The following RGSL1 variants were observed in gnomAD, a reference collection of about 807,000 sequenced individuals.
RGSL1 encodes regulator of G protein signaling protein-like.
In RGSL1, 97 loss-of-function variants were observed where a neutral mutation model predicts 124.7. The observed-to-expected ratio is 0.78, with a 90% CI of 0.66 to 0.92. The LOEUF is 0.92. Among genes scored for constraint, RGSL1 ranks in the 40% least tolerant of loss-of-function variants. The pLI, the probability that RGSL1 is intolerant of heterozygous loss-of-function variation, is 0.00. For synonymous variants in RGSL1, 424 were observed against 438.1 expected (o/e 0.97, Z 0.40); for missense variants, 1,233 against 1,288.4 (o/e 0.96, Z 0.66).
At chr1:182,553,421 G>C in intron 18 of RGSL1, 34 bp from the exon 19 acceptor site, 2 of 1,500,248 alleles carry the variant, frequency 1.3e-6, no homozygotes, top group Non-Finnish European at 1.8e-6. Flanking sequence ...AGTTGTCGCA[G>C]GTGTTTTTAA....
chr1:182,457,280 A>G (rs1652422591), intron 2 of RGSL1, among the ~76,000 whole-genome samples: 1 of 152,166 alleles, frequency 6.6e-6, no homozygotes, highest in Admixed American at 6.5e-5. Flanking sequence ...TGTGCCCTCT[A>G]TGGTATAAAT....
At chr1:182,504,234 A>C (rs1353416834) in intron 9 of RGSL1, among the ~76,000 whole-genome samples, 1 of 152,016 alleles carries the variant, frequency 6.6e-6, no homozygotes, top group Non-Finnish European at 1.5e-5. Flanking sequence ...GCTCGCCTAC[A>C]GCCTCCCAAA....
intron 9 of RGSL1, among the ~76,000 whole-genome samples, chr1:182,505,979 C>T (rs1656779201): frequency 6.6e-6 from 1 of 151,912 alleles, no homozygotes; most frequent in Non-Finnish European, 1.5e-5. Flanking sequence ...TTTGATTTTC[C>T]TTTATTACCT....
At chr1:182,479,408 TTTAAG>T (rs1208066884) in intron 6 of RGSL1, among the ~76,000 whole-genome samples, 6 of 152,188 alleles carry the variant, frequency 3.9e-5, no homozygotes, top group African/African-American at 7.2e-5. Flanking sequence ...CTTAAAGCAA[TTTAAG>T]TTAAGTTGTT....
chr1:182,518,746 C>A (rs1487766333), intron 9 of RGSL1, among the ~76,000 whole-genome samples: 1 of 152,088 alleles, frequency 6.6e-6, no homozygotes, highest in Non-Finnish European at 1.5e-5. Flanking sequence ...ATGTGGAAAT[C>A]CAATTATCTT....
At chr1:182,509,334 C>G in intron 9 of RGSL1, among the ~76,000 whole-genome samples, 1 of 38,090 alleles carries the variant, frequency 2.6e-5, no homozygotes, top group East Asian at 4.1e-4. Flanking sequence ...CCACCTCCCT[C>G]CCGGACGGGG....
intron 9 of RGSL1, among the ~76,000 whole-genome samples, chr1:182,520,333 C>T (rs570763687): frequency 6.6e-5 from 10 of 152,286 alleles, no homozygotes; most frequent in Non-Finnish European, 1.3e-4. Context: ...GGCCTCTTCT[C>T]CTTTTGCCCC....
chr1:182,494,618 A>C (rs1299314512), intron 9 of RGSL1, among the ~76,000 whole-genome samples: 2 of 152,182 alleles, frequency 1.3e-5, no homozygotes, highest in African/African-American at 4.8e-5. Context: ...TTCCCTAAGT[A>C]AGTCTCTGAT....
intron 10 of RGSL1, among the ~76,000 whole-genome samples, 190 bp downstream of exon 10, chr1:182,522,299 A>C (rs188242731): frequency 4.6e-5 from 7 of 152,346 alleles, no homozygotes; most frequent in Admixed American, 3.9e-4. Flanking sequence ...TATGCTATAT[A>C]TGTATATATT....
Position 182,530,120 on chromosome 1 carries a change from G to A in RGSL1, c.2126-124G>A. 3 of 660,102 alleles carry A rather than the reference G, an allele frequency of 4.5e-6. 1 individual carries two copies. The South Asian group carries it at 5.9e-5, about 13-fold the overall frequency. 40.9% of individuals were successfully genotyped at this position (660,102 alleles called of 1,614,324 possible). On this transcript the variant is annotated intron_variant, in intron 11 of 21. Coordinates refer to ENST00000294854, the MANE Select transcript of RGSL1 (RefSeq NM_001137669.2). ...TCAAACAAACTATGGCGGGATCAGA[G>A]TCTAGCCAGATTGAAAATGGGGGCT... is the stretch of plus-strand genomic sequence containing the variant.
chr1:182,552,463 G>A (rs754667921), intron 18 of RGSL1, among the ~76,000 whole-genome samples: 2 of 152,156 alleles, frequency 1.3e-5, no homozygotes, highest in African/African-American at 2.4e-5. Context: ...GCAGTGGCTG[G>A]TGAGGACAAG....
At position 182,481,239 on chromosome 1, in the gene RGSL1, A is replaced by T. The variant is rs564119594; in HGVS notation, c.1431+6697A>T. ...AAAAAGAGAGAGAAGTTTCAAATAA[A>T]TAAAATTATAAATGAAAGAAAAGAT... On this transcript the variant is annotated intron_variant, in intron 6 of 21. Coordinates refer to ENST00000294854, the MANE Select transcript of RGSL1 (RefSeq NM_001137669.2). 7.9e-5 allele frequency among the ~76,000 whole-genome samples: 12 copies of T among 152,262 alleles called. No individual in the cohort carries two copies. In the East Asian group the frequency reaches 2.3e-3, roughly 29 times the overall value.
intron 13 of RGSL1, among the ~76,000 whole-genome samples, chr1:182,531,303 C>G (rs1283101501): frequency 6.6e-6 from 1 of 152,152 alleles, no homozygotes; most frequent in African/African-American, 2.4e-5. Context: ...GTCTTGCAGA[C>G]AAACAAACCA....
chr1:182,487,236 G>A (rs1655160049), intron 6 of RGSL1, among the ~76,000 whole-genome samples: 1 of 152,114 alleles, frequency 6.6e-6, no homozygotes, highest in Non-Finnish European at 1.5e-5. Context: ...GCATGATTGA[G>A]GCAGCTGGCG....
Position 182,527,753 on chromosome 1 carries a change from C to T in RGSL1, c.2106C>T (p.Phe702=), listed in dbSNP as rs760115239. 3 of 1,550,280 alleles carry T rather than the reference C, an allele frequency of 1.9e-6. No individual in the cohort carries two copies. In the African/African-American group the frequency reaches 4.1e-5, roughly 21 times the overall value. The change falls in exon 11 of 22, where the codon TTC becomes TTT. Residue 702 remains phenylalanine (F), a synonymous_variant. Coordinates refer to ENST00000294854, the MANE Select transcript of RGSL1 (RefSeq NM_001137669.2). ...TAGAAAATGTAATCAAGACTTTCTTCCAAGGCCAACTCTCTCCTGGTATGC... is the reference window on the plus strand; with the variant it reads ...TAGAAAATGTAATCAAGACTTTCTTTCAAGGCCAACTCTCTCCTGGTATGC... The part of the protein sequence containing the change: ...SLIENVIKTF[F]QGQLSPEEML...
At chr1:182,541,716 T>C (rs1659901967) in intron 15 of RGSL1, among the ~76,000 whole-genome samples, 1 of 152,178 alleles carries the variant, frequency 6.6e-6, no homozygotes. Context: ...GTTTCCCCTT[T>C]TTACACATGC....
upstream of RGSL1, among the ~76,000 whole-genome samples, chr1:182,448,661 C>T (rs562243085): frequency 5.3e-4 from 80 of 152,278 alleles, no homozygotes; most frequent in African/African-American, 1.8e-3. Context: ...AACAACAACC[C>T]TGTCAATAAG....
At position 182,556,162 on chromosome 1, in the gene RGSL1, G is replaced by C. The variant is rs764267320; in HGVS notation, c.*105G>C. ...AAAGGTCCTGGTACCATCTTCCCCAGAAACGATCAAGAAGGGCAATGGGTT... is the reference window on the plus strand; with the variant it reads ...AAAGGTCCTGGTACCATCTTCCCCACAAACGATCAAGAAGGGCAATGGGTT... On this transcript the variant is annotated 3_prime_UTR_variant, in exon 21 of 22. Transcript: ENST00000294854. 1 of 1,169,798 alleles carries C rather than the reference G, an allele frequency of 8.5e-7. No homozygotes were observed. The highest frequency in any genetic ancestry group is 1.2e-6 in the Non-Finnish European group (1 of 824,784). 72.5% of individuals were successfully genotyped at this position (1,169,798 alleles called of 1,614,324 possible).
At chr1:182,532,599 G>A in intron 13 of RGSL1, 63 bp from the exon 14 acceptor site, 18 of 1,512,716 alleles carry the variant, frequency 1.2e-5, no homozygotes, top group Non-Finnish European at 1.6e-5. Flanking sequence ...TTGGCACACA[G>A]TAGACTCTCG....
Sources: allele counts gnomAD v4.1 joint callset (sites outside exome capture counted in the v4.1 genomes callset), GRCh38; gene constraint gnomAD v4.1.1; transcripts MANE v1.5; gene names NCBI Gene and HGNC (gene_info 2026-07-23, HGNC 2026-07-21).